The following ZNF157 variants were observed in gnomAD, a reference collection of about 807,000 sequenced individuals.
ZNF157 encodes the protein zinc finger protein 22.
Under a neutral mutation model 9.4 loss-of-function variants are expected in ZNF157, and 8 were observed. The observed-to-expected ratio is 0.85, with a 90% CI of 0.50 to 1.53. ZNF157 has a LOEUF of 1.53. Among genes scored for constraint, ZNF157 ranks in the 40% most tolerant of loss-of-function variants. ZNF157 has a pLI of 0.00. For synonymous variants in ZNF157, 120 were observed against 130.8 expected, an observed-to-expected ratio of 0.92 and a Z score of 0.56; for missense variants, 316 against 385.2, an observed-to-expected ratio of 0.82 and a Z score of 1.50.
At chrX:47,410,566 G>T (rs2055961354) in intron 2 of ZNF157, 114 bp from the exon 3 acceptor site, 1 of 932,235 alleles carries the variant, frequency 1.1e-6, no homozygotes. Flanking sequence ...CCAATGAAAG[G>T]TTTAAATGGG....
chrX:47,406,899 A>T (rs2055948994), intron 1 of ZNF157, among the ~76,000 whole-genome samples: 1 of 112,378 alleles, frequency 8.9e-6, no homozygotes, highest in African/African-American at 3.2e-5. Context: ...TAGGATTCGT[A>T]AAAGTGGACG....
intron 1 of ZNF157, among the ~76,000 whole-genome samples, chrX:47,395,939 C>T (rs893113727): frequency 2.7e-5 from 3 of 111,507 alleles, no homozygotes; most frequent in African/African-American, 9.8e-5. Flanking sequence ...GCACTCCAGC[C>T]TGGGTGAGAG....
At chrX:47,380,920 GAGA>G (rs2055860077) in intron 1 of ZNF157, among the ~76,000 whole-genome samples, 1 of 98,467 alleles carries the variant, frequency 1.0e-5, no homozygotes, top group African/African-American at 3.7e-5. Flanking sequence ...GCAGGAGGAG[GAGA>G]AAGAGAAGGA....
chrX:47,393,147 T>C (rs1264463283), intron 1 of ZNF157, among the ~76,000 whole-genome samples: 4 of 33,184 alleles, frequency 1.2e-4, no homozygotes, highest in Non-Finnish European at 1.8e-4. Flanking sequence ...AGAGTGAGAC[T>C]GTCTCAAAAA....
chrX:47,381,756 A>G (rs1328619510), intron 1 of ZNF157, among the ~76,000 whole-genome samples: 1 of 111,773 alleles, frequency 8.9e-6, no homozygotes, highest in African/African-American at 3.3e-5. Context: ...CCCACAGCTC[A>G]TAGTGACCAA....
At chrX:47,397,241 C>CTTTTT (rs769178786) in intron 1 of ZNF157, among the ~76,000 whole-genome samples, 17 of 77,785 alleles carry the variant, frequency 2.2e-4, no homozygotes, top group Non-Finnish European at 3.4e-4. Context: ...TTTTTTCTTT[C>CTTTTT]TTTTTTTTTT....
chrX:47,410,411 G>T lies in ZNF157; in HGVS notation c.199+9G>T. The T allele has an allele frequency of 1.7e-6, 2 of 1,209,851 alleles. No homozygotes were observed. The highest frequency in any genetic ancestry group is 2.2e-6 in the Non-Finnish European group (2 of 894,321). On this transcript the variant is annotated intron_variant, in intron 2 of 3. Coordinates refer to ENST00000377073, the MANE Select transcript of ZNF157 (RefSeq NM_003446.4). ...CAACCTGGCATCTGTGGGTGAGGAT[G>T]ATTGTCCGTGTAACTCCTGAGAGCG...
chrX:47,403,028 A>T (rs1237684520), intron 1 of ZNF157, among the ~76,000 whole-genome samples: 1 of 106,913 alleles, frequency 9.4e-6, no homozygotes, highest in Non-Finnish European at 1.9e-5. Flanking sequence ...TGGGAGGCCG[A>T]GGCAGGTGGA....
At chrX:47,400,374 C>CAACATA (rs1424336282) in intron 1 of ZNF157, among the ~76,000 whole-genome samples, 3 of 110,223 alleles carry the variant, frequency 2.7e-5, no homozygotes, top group Non-Finnish European at 5.7e-5. Context: ...TGCCAAGGCT[C>CAACATA]GTCTCAAACT....
intron 1 of ZNF157, chrX:47,391,040 G>C (rs1470705381): frequency 9.0e-6 from 1 of 111,156 alleles, no homozygotes; most frequent in African/African-American, 3.3e-5. Context: ...CAAGTATTTT[G>C]GTTAGTCTTA....
Position 47,414,373 on chromosome X carries a change from A to G in ZNF157, c.*779A>G, listed in dbSNP as rs2147417322. The G allele has an allele frequency of 8.9e-6, 1 of 111,860 alleles. No homozygotes were observed. The highest frequency in any genetic ancestry group is 9.6e-5 in the Admixed American group (1 of 10,404). The allele number at this position is 111,860 out of a possible 1,213,427, so 9.2% of individuals were successfully genotyped here. A position where few individuals can be genotyped will look rare whatever the true frequency, so the allele number is the denominator to read the frequency against. On this transcript the variant is annotated 3_prime_UTR_variant, in exon 4 of 4. Transcript: ENST00000377073. The stretch of plus-strand genomic sequence containing the variant: ...ATAATATTCACCTATACTTTCCTCT[A>G]AAGGTTTTCCTTTCAACATTTAGAA...
At chrX:47,410,643 A>G in intron 2 of ZNF157, 37 bp from the exon 3 acceptor site, 1 of 1,152,604 alleles carries the variant, frequency 8.7e-7, no homozygotes. Flanking sequence ...GAGCTCAGAC[A>G]ACTTGGCCCA....
intron 1 of ZNF157, among the ~76,000 whole-genome samples, chrX:47,402,654 C>T (rs766070545): frequency 9.3e-6 from 1 of 108,045 alleles, no homozygotes; most frequent in Non-Finnish European, 1.9e-5. Context: ...ATTCTCTTGC[C>T]TCAGCCTCCC....
chrX:47,406,336 A>G (rs1445090726), intron 1 of ZNF157, among the ~76,000 whole-genome samples: 1 of 109,970 alleles, frequency 9.1e-6, no homozygotes, highest in African/African-American at 3.3e-5. Flanking sequence ...TCACTGTGGT[A>G]TATATTTTAT....
intron 1 of ZNF157, among the ~76,000 whole-genome samples, chrX:47,375,538 G>C (rs2055842348): frequency 9.0e-6 from 1 of 110,700 alleles, no homozygotes; most frequent in Non-Finnish European, 1.9e-5. Context: ...GCTTTGTGTT[G>C]TACATAGGGG....
In ZNF157 at chrX:47,413,231, C is replaced by A; in HGVS notation, c.1158C>A (p.Tyr386Ter). Residue 386 changes from tyrosine (Y) to a stop codon, truncating the protein, a stop_gained, in exon 4 of 4, where the codon TAC becomes TAA. Transcript: ENST00000377073. LOFTEE classifies it low-confidence loss of function (END_TRUNC). ...HQRIHTGEKP[Y>*]ECNECGNAFY... Reference sequence around the variant, plus strand: ...GAATTCACACAGGAGAGAAACCTTACGAATGTAATGAGTGTGGTAATGCTT... The same window carrying A: ...GAATTCACACAGGAGAGAAACCTTAAGAATGTAATGAGTGTGGTAATGCTT... 8.3e-7 allele frequency: 1 copy of A among 1,210,716 alleles called. No individual in the cohort carries two copies. The highest frequency in any genetic ancestry group is 1.1e-6 in the Non-Finnish European group (1 of 895,091).
At chrX:47,388,072 T>G (rs1002643616) in intron 1 of ZNF157, among the ~76,000 whole-genome samples, 17 of 109,003 alleles carry the variant, frequency 1.6e-4, no homozygotes, top group African/African-American at 5.3e-4. Flanking sequence ...GATACTTAAA[T>G]TTTTTTATTA....
chrX:47,380,899 GAGA>G (rs1405854795), intron 1 of ZNF157, among the ~76,000 whole-genome samples: 1 of 95,861 alleles, frequency 1.0e-5, no homozygotes, highest in Non-Finnish European at 2.1e-5. Context: ...GGAGGAGAAA[GAGA>G]AGGAGGAGCA....
In ZNF157 at chrX:47,413,558, G is replaced by C. The variant is rs138769650; in HGVS notation, c.1485G>C (p.Trp495Cys). 4.2e-6 allele frequency: 5 copies of C among 1,202,589 alleles called. No individual in the cohort carries two copies. In the African/African-American group the frequency reaches 8.8e-5, roughly 21 times the overall value. ...AACATCAGAGAACTCACATAGGCTG[G>C]TCCTGGCGTTGTACAATGAAGAAAG... The part of the protein sequence containing the change: ...LTEHQRTHIG[W>C]SWRCTMKKAS... The change falls in exon 4 of 4, where the codon TGG becomes TGC. Residue 495 changes from tryptophan to cysteine, a missense_variant. Coordinates refer to ENST00000377073, the MANE Select transcript of ZNF157 (RefSeq NM_003446.4).
Sources: gnomAD v4.1 joint callset for allele counts (sites outside exome capture counted in the v4.1 genomes callset) on GRCh38, gnomAD v4.1.1 for gene constraint, MANE v1.5 for transcripts, NCBI Gene and HGNC (gene_info 2026-07-23, HGNC 2026-07-21) for gene names.